NFIC: variants seen among roughly 807,000 people sequenced by gnomAD.
The protein encoded by NFIC is nuclear factor 1 C-type.
In NFIC, 12 loss-of-function variants were observed where a neutral mutation model predicts 54.4. That is an observed-to-expected ratio of 0.22 (90% CI 0.14 to 0.36). NFIC has a LOEUF of 0.36. Ranked by LOEUF, NFIC falls within the 10% of genes least tolerant of loss-of-function variation. The probability of loss-of-function intolerance (pLI) is 1.00; values close to 1 mark genes in which losing one functional copy is unlikely to be tolerated. For missense variants in NFIC, 575 were observed against 718.2 expected, an observed-to-expected ratio of 0.80 and a Z score of 2.28; for synonymous variants, 322 against 319.2, an observed-to-expected ratio of 1.01 and a Z score of -0.09.
intron 3 of NFIC, among the ~76,000 whole-genome samples, chr19:3,431,468 G>A (rs1000602546): frequency 7.0e-6 from 1 of 142,330 alleles, no homozygotes; most frequent in African/African-American, 2.6e-5. Flanking sequence ...TCCAGGGCTC[G>A]AGCTATCCTC....
intron 1 of NFIC, among the ~76,000 whole-genome samples, 170 bp downstream of exon 1, chr19:3,366,836 G>T (rs1344459161): frequency 6.6e-6 from 1 of 151,846 alleles, no homozygotes; most frequent in African/African-American, 2.4e-5. Flanking sequence ...GATGGGTCAG[G>T]CTGGGGTACC....
intron 1 of NFIC, among the ~76,000 whole-genome samples, chr19:3,380,042 C>T (rs1428192068): frequency 6.6e-6 from 1 of 151,572 alleles, no homozygotes; most frequent in Non-Finnish European, 1.5e-5. Context: ...GCTCTGTCGC[C>T]CAGGCTGGAG....
chr19:3,360,638 C>T (rs2080799051), intron 1 of NFIC, among the ~76,000 whole-genome samples: 1 of 152,216 alleles, frequency 6.6e-6, no homozygotes, highest in Non-Finnish European at 1.5e-5. Context: ...CCGCGTGTGT[C>T]TGCACATCCA....
chr19:3,434,257 T>C lies in NFIC; in HGVS notation c.710-20T>C. ...CTGGGCACTGCTTCCTGCCTCACTC[T>C]CCTCTGTCACCCTCTGCAGCACCCG... On this transcript the variant is annotated intron_variant, in intron 4 of 10. Transcript: ENST00000443272. 1 of 1,600,420 alleles carries C rather than the reference T, an allele frequency of 6.2e-7. No homozygotes were observed. Among genetic ancestry groups the C allele is most frequent in the Non-Finnish European group, 8.5e-7 (1 of 1,175,368 alleles).
chr19:3,386,808 C>T lies in NFIC; in HGVS notation c.562+4565C>T, dbSNP rs138662793. 8.7e-3 allele frequency among the ~76,000 whole-genome samples: 1,318 copies of T among 152,226 alleles called. 6 individuals carry two copies. The highest frequency in any genetic ancestry group is 0.014 in the Non-Finnish European group (956 of 68,014). ...AAGGGGATGGGCGGAAGTTGTGGTG[C>T]GTGAGGGGGCAGTCTGCTGGCACGG... On this transcript the variant is annotated intron_variant, in intron 2 of 10. Coordinates refer to ENST00000443272, the MANE Select transcript of NFIC (RefSeq NM_001245002.2).
At position 3,369,492 on chromosome 19, in the gene NFIC, T is replaced by G. The variant is rs541195327; in HGVS notation, c.30+2826T>G. Reference sequence around the variant, plus strand: ...CTTTTAGCTGATCCGACCCGGATCCTTCTCGGGAGCCGAGGCTGGCGGGGG... The same window carrying G: ...CTTTTAGCTGATCCGACCCGGATCCGTCTCGGGAGCCGAGGCTGGCGGGGG... On this transcript the variant is annotated intron_variant, in intron 1 of 10. Transcript: ENST00000443272. The surrounding 1 kb of genome is among the most constrained non-coding windows in gnomAD (Gnocchi z 4.3). Among the ~76,000 whole-genome samples, 348 of 152,096 alleles carry G rather than the reference T, an allele frequency of 2.3e-3. 2 individuals are homozygous for G. Among genetic ancestry groups the G allele is most frequent in the Non-Finnish European group, 3.5e-3 (241 of 67,948 alleles).
chr19:3,384,049 GT>G (rs72250156), intron 2 of NFIC, among the ~76,000 whole-genome samples: 8,407 of 132,754 alleles, frequency 0.063, 737 homozygotes, highest in African/African-American at 0.21. Context: ...GTTACCCAGT[GT>G]TTTTTTTTTT....
chr19:3,430,085 C>G (rs891598290), intron 3 of NFIC, among the ~76,000 whole-genome samples: 4 of 152,110 alleles, frequency 2.6e-5, no homozygotes, highest in African/African-American at 9.7e-5. Flanking sequence ...CCACCAGCCG[C>G]CTGCCTTACC....
chr19:3,385,057 C>G (rs2081272726), intron 2 of NFIC, among the ~76,000 whole-genome samples: 1 of 149,686 alleles, frequency 6.7e-6, no homozygotes, highest in South Asian at 2.1e-4. Flanking sequence ...GCAGGCAGGC[C>G]TGTGCCCCAG....
At chr19:3,436,489 T>G (rs1163018569) in intron 6 of NFIC, among the ~76,000 whole-genome samples, 1 of 148,650 alleles carries the variant, frequency 6.7e-6, no homozygotes, top group Non-Finnish European at 1.5e-5. Context: ...TAATTTTTGT[T>G]TTTTGAGATG....
chr19:3,363,870 G>A (rs975781932), upstream of NFIC, among the ~76,000 whole-genome samples: 9 of 152,220 alleles, frequency 5.9e-5, no homozygotes, highest in African/African-American at 1.9e-4. Context: ...AACCCAGAGA[G>A]CGATCCAGCC....
Position 3,459,620 on chromosome 19 carries a change from AC to A in NFIC, c.1509+2990del, listed in dbSNP as rs750767365. On this transcript the variant is annotated intron_variant, in intron 10 of 10. Transcript: ENST00000443272. This position sits in a 1 kb window ranked among gnomAD's most constrained non-coding sequence, Gnocchi z 4.2. The stretch of plus-strand genomic sequence containing the variant: ...GTGGAGTTGAGGGTGCCCCCACCCC[AC>A]CCCCGCCCCATTGCTGGGGCCACAG... 6.6e-6 allele frequency among the ~76,000 whole-genome samples: 1 copy of A among 150,938 alleles called. No individual in the cohort carries two copies. Among genetic ancestry groups the A allele is most frequent in the East Asian group, 2.0e-4 (1 of 5,090 alleles).
At chr19:3,374,727 C>T (rs2081076037) in intron 1 of NFIC, among the ~76,000 whole-genome samples, 1 of 152,172 alleles carries the variant, frequency 6.6e-6, no homozygotes, top group African/African-American at 2.4e-5. Context: ...TTGGTTATCT[C>T]TTTTGCCGGT....
At chr19:3,361,244 C>T (rs949246047) in intron 1 of NFIC, among the ~76,000 whole-genome samples, 10 of 152,130 alleles carry the variant, frequency 6.6e-5, no homozygotes, top group African/African-American at 2.4e-4. Flanking sequence ...CCGAGAGGGG[C>T]GGGGCGGCAG....
chr19:3,390,306 C>T (rs568968199), intron 2 of NFIC, among the ~76,000 whole-genome samples: 4 of 152,302 alleles, frequency 2.6e-5, no homozygotes, highest in East Asian at 1.9e-4. Context: ...GAGTCGCAGA[C>T]GCCAGCTGAT....
chr19:3,397,752 G>A (rs2081488142), intron 2 of NFIC, among the ~76,000 whole-genome samples: 1 of 152,208 alleles, frequency 6.6e-6, no homozygotes, highest in African/African-American at 2.4e-5. Context: ...ACATGCCCAG[G>A]CAGCGTGGCT....
rs1437397005 is a variant in NFIC at position 3,465,337 on chromosome 19, C to T, written c.*2568C>T. 1 of 90,490 alleles carries T rather than the reference C, an allele frequency of 1.1e-5. No individual in the cohort carries two copies. Among genetic ancestry groups the T allele is most frequent in the Middle Eastern group, 5.6e-3 (1 of 178 alleles). 5.6% of individuals were successfully genotyped at this position (90,490 alleles called of 1,614,324 possible). ...CTCGTGTAGTTTAAAAAAAAAAAGA[C>T]AAAACAGTGACATGAAATAAAAAAT... On this transcript the variant is annotated 3_prime_UTR_variant, in exon 11 of 11. Coordinates refer to ENST00000443272, the MANE Select transcript of NFIC (RefSeq NM_001245002.2).
intron 2 of NFIC, among the ~76,000 whole-genome samples, chr19:3,387,210 TGA>T (rs1434467880): frequency 6.6e-6 from 1 of 151,996 alleles, no homozygotes; most frequent in Non-Finnish European, 1.5e-5. Flanking sequence ...ACGTCACAAG[TGA>T]GAGAGGAGGC....
rs1248946458 is a variant in NFIC, at chr19:3,370,339, C to T, written c.30+3673C>T. Among the ~76,000 whole-genome samples, 8 of 152,226 alleles carry T rather than the reference C, an allele frequency of 5.3e-5. No homozygotes were observed. Among genetic ancestry groups the T allele is most frequent in the South Asian group, 2.1e-4 (1 of 4,828 alleles). On this transcript the variant is annotated intron_variant, in intron 1 of 10. Transcript: ENST00000443272. The surrounding 1 kb of genome is among the most constrained non-coding windows in gnomAD (Gnocchi z 5.2). The stretch of plus-strand genomic sequence containing the variant: ...TCTCTACAAGGCTCCACCACTCTCC[C>T]GCTGTATCTCCCTCTGGGTCTCTCT...
Sources: allele counts gnomAD v4.1 joint callset (sites outside exome capture counted in the v4.1 genomes callset), GRCh38; gene constraint gnomAD v4.1.1; non-coding constraint Gnocchi (gnomAD v3.1); transcripts MANE v1.5; gene names NCBI Gene and HGNC (gene_info 2026-07-23, HGNC 2026-07-21).